The following PRKCA variants were observed in gnomAD, a reference collection of about 807,000 sequenced individuals.
PRKCA encodes protein kinase C alpha.
A neutral mutation model predicts 87.0 loss-of-function variants in PRKCA; 27 were observed. The observed-to-expected ratio is 0.31, with a 90% CI of 0.23 to 0.43. The LOEUF is 0.43. Among genes scored for constraint, PRKCA ranks in the 20% least tolerant of loss-of-function variants. PRKCA has a pLI of 1.00. For synonymous variants in PRKCA, 329 were observed against 311.1 expected, an observed-to-expected ratio of 1.06 and a Z score of -0.61; for missense variants, 518 against 852.3, an observed-to-expected ratio of 0.61 and a Z score of 4.88.
chr17:66,622,970 T>G (rs1007143837), intron 3 of PRKCA, among the ~76,000 whole-genome samples: 116 of 152,356 alleles, frequency 7.6e-4, no homozygotes, highest in Non-Finnish European at 3.5e-4. Flanking sequence ...CCAAACCATA[T>G]CATGACTCTT....
At chr17:66,361,603 G>C (rs972361337) in intron 2 of PRKCA, among the ~76,000 whole-genome samples, 1 of 152,088 alleles carries the variant, frequency 6.6e-6, no homozygotes, top group Non-Finnish European at 1.5e-5. Context: ...GAGCCACTGC[G>C]CCAGCCCATA....
chr17:66,528,996 A>G (rs950099714), intron 3 of PRKCA, among the ~76,000 whole-genome samples: 1 of 152,138 alleles, frequency 6.6e-6, no homozygotes, highest in Non-Finnish European at 1.5e-5. Flanking sequence ...GTTTTGATGT[A>G]TTGGGTTCAA....
intron 11 of PRKCA, among the ~76,000 whole-genome samples, chr17:66,741,022 G>C (rs999706554): frequency 3.3e-5 from 5 of 152,106 alleles, no homozygotes; most frequent in Non-Finnish European, 7.4e-5. Flanking sequence ...GCACAGTCTT[G>C]TGGCTTCTTC....
chr17:66,560,935 C>A (rs1199958127), intron 3 of PRKCA, among the ~76,000 whole-genome samples: 3 of 152,120 alleles, frequency 2.0e-5, no homozygotes, highest in Non-Finnish European at 4.4e-5. Flanking sequence ...GGCTGTCTTC[C>A]CAAGTCAGCG....
intron 2 of PRKCA, among the ~76,000 whole-genome samples, chr17:66,338,440 G>T (rs536255328): frequency 6.6e-6 from 1 of 152,262 alleles, no homozygotes; most frequent in African/African-American, 2.4e-5. Context: ...GAGAGAGGGG[G>T]ATGAGGAAAG....
intron 5 of PRKCA, among the ~76,000 whole-genome samples, chr17:66,670,659 G>A (rs1027864883): frequency 1.3e-5 from 2 of 151,940 alleles, no homozygotes; most frequent in African/African-American, 2.4e-5. Flanking sequence ...CCCAGGAATT[G>A]AAGATGGGCC....
At chr17:66,701,964 A>G (rs1303618614) in intron 8 of PRKCA, among the ~76,000 whole-genome samples, 1 of 152,158 alleles carries the variant, frequency 6.6e-6, no homozygotes, top group Non-Finnish European at 1.5e-5. Flanking sequence ...GATTCTGGGT[A>G]TATATCCAAA....
At chr17:66,649,789 A>C (rs1352967302) in intron 5 of PRKCA, among the ~76,000 whole-genome samples, 1 of 152,222 alleles carries the variant, frequency 6.6e-6, no homozygotes, top group African/African-American at 2.4e-5. Flanking sequence ...AGAACAAAGA[A>C]CAACCCATAT....
chr17:66,779,253 T>C (rs1975143590), intron 14 of PRKCA, among the ~76,000 whole-genome samples: 1 of 152,252 alleles, frequency 6.6e-6, no homozygotes, highest in African/African-American at 2.4e-5. Context: ...TGCCATTTTC[T>C]TCTCATTTGC....
intron 8 of PRKCA, among the ~76,000 whole-genome samples, chr17:66,694,609 G>T (rs150120507): frequency 6.7e-6 from 1 of 150,194 alleles, no homozygotes; most frequent in Non-Finnish European, 1.5e-5. Flanking sequence ...CAACAGAAAC[G>T]TCACAGTTGA....
intron 3 of PRKCA, among the ~76,000 whole-genome samples, chr17:66,611,846 T>C (rs967261856): frequency 6.6e-6 from 1 of 152,214 alleles, no homozygotes; most frequent in Non-Finnish European, 1.5e-5. Flanking sequence ...ACAGATCTTC[T>C]TGATTCTAGC....
At chr17:66,613,978 A>C (rs1370528876) in intron 3 of PRKCA, among the ~76,000 whole-genome samples, 1 of 151,644 alleles carries the variant, frequency 6.6e-6, no homozygotes, top group African/African-American at 2.4e-5. Flanking sequence ...TTCAGTAGAG[A>C]TGGGGTTTCA....
chr17:66,497,235 C>T (rs538827285), intron 3 of PRKCA, among the ~76,000 whole-genome samples: 112 of 152,242 alleles, frequency 7.4e-4, no homozygotes, highest in African/African-American at 1.4e-3. Context: ...CGGTGGCTCA[C>T]GCCTGTAATC....
At chr17:66,536,893 A>G (rs1000325185) in intron 3 of PRKCA, among the ~76,000 whole-genome samples, 1 of 152,200 alleles carries the variant, frequency 6.6e-6, no homozygotes, top group Admixed American at 6.5e-5. Flanking sequence ...TGAGTGCTTG[A>G]TAGATAGAGG....
chr17:66,303,538 A>G (rs979218340), intron 1 of PRKCA, among the ~76,000 whole-genome samples: 2 of 151,784 alleles, frequency 1.3e-5, no homozygotes, highest in Non-Finnish European at 2.9e-5. Flanking sequence ...ATCGGGCTGG[A>G]CTGCGCTGGC....
chr17:66,482,007 A>C (rs185289984), intron 2 of PRKCA, among the ~76,000 whole-genome samples: 17 of 149,016 alleles, frequency 1.1e-4, no homozygotes, highest in Admixed American at 6.8e-4. Flanking sequence ...AGGCTGAGGC[A>C]GGAGAATCAC....
chr17:66,321,874 G>T (rs952677657), intron 2 of PRKCA, among the ~76,000 whole-genome samples: 3 of 152,134 alleles, frequency 2.0e-5, no homozygotes, highest in African/African-American at 7.2e-5. Flanking sequence ...AGAATGAAGG[G>T]CTGAGGGGAC....
At chr17:66,498,124 C>T (rs1420964713) in intron 3 of PRKCA, among the ~76,000 whole-genome samples, 1 of 152,056 alleles carries the variant, frequency 6.6e-6, no homozygotes, top group Non-Finnish European at 1.5e-5. Flanking sequence ...TTCCCCTGCC[C>T]TCCCCCCTGC....
At chr17:66,467,718 T>C (rs1007947196) in intron 2 of PRKCA, among the ~76,000 whole-genome samples, 1 of 152,032 alleles carries the variant, frequency 6.6e-6, no homozygotes, top group East Asian at 1.9e-4. Context: ...CTAGTATGCC[T>C]AGCTAATTTT....
Sources: allele counts gnomAD v4.1 joint callset (sites outside exome capture counted in the v4.1 genomes callset), GRCh38; gene constraint gnomAD v4.1.1; transcripts MANE v1.5; gene names NCBI Gene and HGNC (gene_info 2026-07-23, HGNC 2026-07-21).